HEMK2: variants seen among roughly 807,000 people sequenced by gnomAD.
HEMK2 encodes methyltransferase HEMK2.
At chr21:28,704,225 C>A in the HEMK2 span, among the ~76,000 whole-genome samples, 1 of 152,124 alleles carries the variant, frequency 6.6e-6, no homozygotes, top group African/African-American at 2.4e-5. Flanking sequence ...TTTCTATAAA[C>A]TAAGCCCAGC....
the HEMK2 span, among the ~76,000 whole-genome samples, chr21:28,867,363 T>C: frequency 6.6e-6 from 1 of 152,194 alleles, no homozygotes; most frequent in East Asian, 1.9e-4. Flanking sequence ...TTGAGACATT[T>C]ATAAAAATCT....
the HEMK2 span, among the ~76,000 whole-genome samples, chr21:28,665,301 T>A: frequency 2.0e-5 from 3 of 148,796 alleles, no homozygotes; most frequent in African/African-American, 4.9e-5. Context: ...AAAAGATTAA[T>A]TTATAAACAC....
chr21:28,842,579 C>A, the HEMK2 span, among the ~76,000 whole-genome samples: 1 of 152,256 alleles, frequency 6.6e-6, no homozygotes, highest in East Asian at 1.9e-4. Flanking sequence ...GCTCATGTGG[C>A]AGTCACTGTT....
chr21:28,864,809 A>T, the HEMK2 span, among the ~76,000 whole-genome samples: 1 of 41,070 alleles, frequency 2.4e-5, no homozygotes, highest in Admixed American at 1.9e-4. Flanking sequence ...TCTCTCTGAA[A>T]GACAGACAGA....
At chr21:28,689,802 A>C in the HEMK2 span, among the ~76,000 whole-genome samples, 2 of 152,208 alleles carry the variant, frequency 1.3e-5, no homozygotes, top group Non-Finnish European at 2.9e-5. Flanking sequence ...AAAGCAGAAG[A>C]GTTGCAATAG....
At chr21:28,639,538 G>T in the HEMK2 span, among the ~76,000 whole-genome samples, 1 of 152,184 alleles carries the variant, frequency 6.6e-6, no homozygotes, top group Non-Finnish European at 1.5e-5. Flanking sequence ...AAGTGATACA[G>T]AACACAGAAG....
the HEMK2 span, among the ~76,000 whole-genome samples, chr21:28,819,444 C>A: frequency 6.6e-6 from 1 of 151,454 alleles, no homozygotes; most frequent in African/African-American, 2.4e-5. Flanking sequence ...AACTCAAATA[C>A]ATGAGAATAT....
the HEMK2 span, among the ~76,000 whole-genome samples, chr21:28,674,293 A>T: frequency 6.6e-6 from 1 of 152,182 alleles, no homozygotes; most frequent in Non-Finnish European, 1.5e-5. Flanking sequence ...AAAATTGGCA[A>T]CCAGCAGCCC....
chr21:28,710,433 C>T, the HEMK2 span, among the ~76,000 whole-genome samples: 1 of 152,078 alleles, frequency 6.6e-6, no homozygotes, highest in African/African-American at 2.4e-5. Flanking sequence ...AAATGCTATT[C>T]GTGATTTTAA....
chr21:28,578,348 T>C, the HEMK2 span, among the ~76,000 whole-genome samples: 1,307 of 152,340 alleles, frequency 8.6e-3, 26 homozygotes, highest in African/African-American at 0.03. Flanking sequence ...ATAACAAGGT[T>C]GTAATCACCT....
chr21:28,831,309 G>C, the HEMK2 span, among the ~76,000 whole-genome samples: 11 of 151,212 alleles, frequency 7.3e-5, no homozygotes, highest in African/African-American at 2.7e-4. Flanking sequence ...AGCTGGGCGT[G>C]GTAGCGGGCG....
the HEMK2 span, among the ~76,000 whole-genome samples, chr21:28,734,925 T>A: frequency 6.6e-6 from 1 of 152,304 alleles, no homozygotes; most frequent in South Asian, 2.1e-4. Context: ...CAGAGTAGGA[T>A]AAACTGTGTG....
the HEMK2 span, among the ~76,000 whole-genome samples, chr21:28,693,499 A>G: frequency 6.6e-6 from 1 of 152,126 alleles, no homozygotes; most frequent in African/African-American, 2.4e-5. Flanking sequence ...AGAATGAGGA[A>G]TTTTTCAGGT....
the HEMK2 span, among the ~76,000 whole-genome samples, chr21:28,605,568 A>G: frequency 1.3e-5 from 2 of 152,022 alleles, no homozygotes; most frequent in South Asian, 2.1e-4. Flanking sequence ...GACTGAATCC[A>G]TATGGAAACT....
At chr21:28,612,858 T>G in the HEMK2 span, among the ~76,000 whole-genome samples, 6 of 152,112 alleles carry the variant, frequency 3.9e-5, no homozygotes, top group Admixed American at 2.6e-4. Flanking sequence ...AATAAAATAC[T>G]TGGTAATATA....
the HEMK2 span, among the ~76,000 whole-genome samples, chr21:28,579,015 T>C: frequency 6.6e-6 from 1 of 152,252 alleles, no homozygotes; most frequent in African/African-American, 2.4e-5. Flanking sequence ...GGTGGAGTTA[T>C]GGACTCCAGA....
the HEMK2 span, among the ~76,000 whole-genome samples, chr21:28,667,687 G>T: frequency 2.0e-5 from 3 of 152,018 alleles, no homozygotes; most frequent in Non-Finnish European, 2.9e-5. Context: ...AGTAAAAGAG[G>T]GTGAAATTCA....
chr21:28,868,820 A>G, the HEMK2 span, among the ~76,000 whole-genome samples: 1 of 152,232 alleles, frequency 6.6e-6, no homozygotes, highest in East Asian at 1.9e-4. Flanking sequence ...ACGCATAGAA[A>G]TACAAATGAT....
At chr21:28,648,133 A>G in the HEMK2 span, among the ~76,000 whole-genome samples, 183 of 152,366 alleles carry the variant, frequency 1.2e-3, no homozygotes, top group Non-Finnish European at 1.8e-3. Flanking sequence ...AGTCCCTGGA[A>G]AATGTTAGGA....
Sources: allele counts gnomAD v4.1 joint callset (sites outside exome capture counted in the v4.1 genomes callset), GRCh38; gene constraint gnomAD v4.1.1; transcripts MANE v1.5; gene names NCBI Gene and HGNC (gene_info 2026-07-23, HGNC 2026-07-21).